TCOF1: variants seen among roughly 807,000 people sequenced by gnomAD.
TCOF1 encodes the protein treacle ribosome biogenesis factor 1.
Under a neutral mutation model 149.0 loss-of-function variants are expected in TCOF1, and 33 were observed. The ratio of observed to expected loss-of-function variants is 0.22; its 90% CI spans 0.17 to 0.30. The LOEUF (loss-of-function observed/expected upper bound fraction) is 0.30. TCOF1 is among the 10% of genes least tolerant of loss of function. The probability of loss-of-function intolerance (pLI) is 1.00; values close to 1 mark genes in which losing one functional copy is unlikely to be tolerated. For missense variants in TCOF1, 1,728 were observed against 1,840.7 expected, an observed-to-expected ratio of 0.94 and a Z score of 1.12; for synonymous variants, 789 against 738.8, an observed-to-expected ratio of 1.07 and a Z score of -1.10.
intron 24 of TCOF1, 120 bp from the exon 25 acceptor site, chr5:150,398,234 T>C: frequency 6.3e-7 from 1 of 1,578,908 alleles, no homozygotes; most frequent in Non-Finnish European, 8.6e-7. Context: ...GCTGGCCTGT[T>C]GTGATGGCTT....
At chr5:150,389,448 G>C (rs900709390) in intron 18 of TCOF1, among the ~76,000 whole-genome samples, 30 of 152,194 alleles carry the variant, frequency 2.0e-4, no homozygotes, top group African/African-American at 7.0e-4. Flanking sequence ...GGAAGCAGAG[G>C]GTTTTGTTTC....
intron 19 of TCOF1, among the ~76,000 whole-genome samples, 161 bp downstream of exon 19, chr5:150,390,184 C>A (rs910168447): frequency 6.6e-6 from 1 of 152,214 alleles, no homozygotes; most frequent in East Asian, 1.9e-4. Context: ...CTAGCTACAA[C>A]CCCCCAAATC....
chr5:150,381,649 A>G (rs1270995626), intron 17 of TCOF1, among the ~76,000 whole-genome samples: 2 of 152,240 alleles, frequency 1.3e-5, no homozygotes, highest in East Asian at 3.8e-4. Flanking sequence ...GGCCCCGGCC[A>G]TATTTTGGGC....
intron 23 of TCOF1, 42 bp downstream of exon 23, chr5:150,393,594 G>A: frequency 6.2e-7 from 1 of 1,613,318 alleles, no homozygotes; most frequent in Non-Finnish European, 8.5e-7. Context: ...GGACACAGAG[G>A]GACAGGGCAG....
intron 14 of TCOF1, 105 bp downstream of exon 14, chr5:150,376,725 C>T: frequency 8.3e-7 from 1 of 1,204,906 alleles, no homozygotes; most frequent in East Asian, 2.5e-5. Flanking sequence ...TGTGCAGAAG[C>T]CTCAGAGGTA....
intron 25 of TCOF1, among the ~76,000 whole-genome samples, chr5:150,398,725 G>A (rs1769120854): frequency 6.6e-6 from 1 of 152,280 alleles, no homozygotes; most frequent in African/African-American, 2.4e-5. Context: ...CAGGTTTCCA[G>A]GTGAAAGGAA....
intron 14 of TCOF1, 110 bp from the exon 15 acceptor site, chr5:150,378,795 T>C: frequency 6.6e-7 from 1 of 1,514,142 alleles, no homozygotes. Context: ...GCCTATTGCA[T>C]GGAGGAGCCA....
Position 150,374,371 on chromosome 5 carries a change from C to G in TCOF1, c.1068C>G (p.Ala356=), listed in dbSNP as rs550543081. The G allele has an allele frequency of 1.3e-6, 2 of 1,554,530 alleles. No individual in the cohort carries two copies. Among genetic ancestry groups the G allele is most frequent in the African/African-American group, 2.7e-5 (2 of 73,010 alleles). ...SSDSEEETPA[A]KALLQAKASG... ...ACAGTGAGGAGGAGACGCCAGCTGCCAAGGCCCTGCTTCAGGTGAGGCCTG... is the reference window on the plus strand; with the variant it reads ...ACAGTGAGGAGGAGACGCCAGCTGCGAAGGCCCTGCTTCAGGTGAGGCCTG... The change falls in exon 8 of 27, where the codon GCC becomes GCG. Residue 356 remains alanine (A), a synonymous_variant. Coordinates refer to ENST00000643257, the MANE Select transcript of TCOF1 (RefSeq NM_001371623.1).
intron 14 of TCOF1, 125 bp from the exon 15 acceptor site, chr5:150,378,780 C>T: frequency 1.3e-5 from 18 of 1,379,374 alleles, no homozygotes; most frequent in Non-Finnish European, 1.8e-5. Context: ...AGCTCAGGTT[C>T]ACACGCCTAT....
At chr5:150,370,416 C>T (rs1055214641) in intron 6 of TCOF1, among the ~76,000 whole-genome samples, 2 of 152,206 alleles carry the variant, frequency 1.3e-5, no homozygotes, top group Non-Finnish European at 2.9e-5. Flanking sequence ...AGTGCAGTAG[C>T]GCGATCTTGG....
At chr5:150,381,114 C>T (rs2150860074) in intron 17 of TCOF1, among the ~76,000 whole-genome samples, 1 of 152,274 alleles carries the variant, frequency 6.6e-6, no homozygotes, top group Non-Finnish European at 1.5e-5. Flanking sequence ...AGGGGCAGTT[C>T]TTATCAGCTT....
chr5:150,383,874 C>G, intron 17 of TCOF1: 1 of 1,545,424 alleles, frequency 6.5e-7, no homozygotes, highest in Non-Finnish European at 8.7e-7. Flanking sequence ...AGGGTGGGAC[C>G]AGGCCCACCT....
chr5:150,384,660 C>T, intron 17 of TCOF1: 1 of 964,642 alleles, frequency 1.0e-6, no homozygotes, highest in South Asian at 4.9e-5. Context: ...GTATGTTAGT[C>T]CTGAAGATTC....
At chr5:150,364,286 G>A (rs758996100) in intron 3 of TCOF1, 34 bp downstream of exon 3, 44 of 1,613,538 alleles carry the variant, frequency 2.7e-5, no homozygotes, top group Non-Finnish European at 3.6e-5. Context: ...ACAGGCTATG[G>A]AATATTGATT....
intron 21 of TCOF1, 99 bp downstream of exon 21, chr5:150,392,275 A>C: frequency 8.1e-7 from 1 of 1,239,216 alleles, no homozygotes; most frequent in Non-Finnish European, 1.1e-6. Flanking sequence ...TCTCAGACTC[A>C]TTCTGCACCT....
chr5:150,387,873 G>GT, intron 17 of TCOF1, 29 bp from the exon 18 acceptor site: 1 of 1,612,234 alleles, frequency 6.2e-7, no homozygotes, highest in East Asian at 2.2e-5. Context: ...TTTAATCACT[G>GT]GGGGGGTGTT....
chr5:150,377,760 G>T (rs1399288066), intron 14 of TCOF1, among the ~76,000 whole-genome samples: 2 of 152,148 alleles, frequency 1.3e-5, no homozygotes, highest in East Asian at 1.9e-4. Context: ...TCATTATGCA[G>T]CTCACTTAAA....
At chr5:150,371,405 C>T (rs937519635) in intron 6 of TCOF1, among the ~76,000 whole-genome samples, 1 of 152,198 alleles carries the variant, frequency 6.6e-6, no homozygotes, top group Non-Finnish European at 1.5e-5. Flanking sequence ...CCTCAATGGG[C>T]TGAGGCTGTG....
chr5:150,398,214 G>A (rs549391697), intron 24 of TCOF1, 140 bp from the exon 25 acceptor site: 15 of 1,548,812 alleles, frequency 9.7e-6, no homozygotes, highest in South Asian at 6.1e-5. Context: ...GAACCTCCAC[G>A]CCCCGCCCTG....
Sources: allele counts gnomAD v4.1 joint callset (sites outside exome capture counted in the v4.1 genomes callset), GRCh38; gene constraint gnomAD v4.1.1; transcripts MANE v1.5; gene names NCBI Gene and HGNC (gene_info 2026-07-23, HGNC 2026-07-21).